Variants in MET observed in about 807,000 individuals in gnomAD.
MET encodes MET proto-oncogene, receptor tyrosine kinase.
In MET, 48 loss-of-function variants were observed where a neutral mutation model predicts 133.1. That is an observed-to-expected ratio of 0.36 (90% CI 0.29 to 0.46). MET has a LOEUF of 0.46. Ranked by LOEUF, MET falls within the 20% of genes least tolerant of loss-of-function variation. The pLI, the probability that MET is intolerant of heterozygous loss-of-function variation, is 1.00. For missense variants in MET, 1,442 were observed against 1,695.9 expected (o/e 0.85, Z 2.63); for synonymous variants, 628 against 616.5 (o/e 1.02, Z -0.28).
chr7:116,677,492 G>T (rs994130367), intron 1 of MET, among the ~76,000 whole-genome samples: 1 of 152,224 alleles, frequency 6.6e-6, no homozygotes, highest in Non-Finnish European at 1.5e-5. Context: ...TCAGTGTATG[G>T]CATGGGCCCA....
At chr7:116,716,094 A>G (rs1792180897) in intron 2 of MET, among the ~76,000 whole-genome samples, 4 of 152,042 alleles carry the variant, frequency 2.6e-5, no homozygotes, top group Admixed American at 2.6e-4. Flanking sequence ...CTACAAAGAA[A>G]TACAAAAATT....
chr7:116,783,870 G>T (rs1402662402), intron 19 of MET, among the ~76,000 whole-genome samples: 1 of 152,212 alleles, frequency 6.6e-6, no homozygotes, highest in Non-Finnish European at 1.5e-5. Flanking sequence ...TGTAACTGAG[G>T]CAGTCTAGCA....
rs562396709 is a variant in MET at position 116,797,769 on chromosome 7, A to AATG, written c.*1646_*1648dup. 56 of 227,438 alleles carry AATG rather than the reference A, an allele frequency of 2.5e-4. No homozygotes were observed. The highest frequency in any genetic ancestry group is 1.1e-3 in the African/African-American group (51 of 45,134). The allele number at this position is 227,438 out of a possible 1,614,324, so 14.1% of individuals were successfully genotyped here. A position where few individuals can be genotyped will look rare whatever the true frequency, so the allele number is the denominator to read the frequency against. ...CAATGACTGTAAATTGCGATAAGGA[A>AATG]ATGTACTGATTGCCAATACACCCCA... On this transcript the variant is annotated 3_prime_UTR_variant, in exon 21 of 21. Coordinates refer to ENST00000397752, the MANE Select transcript of MET (RefSeq NM_000245.4).
chr7:116,681,906 T>G (rs1320271311), intron 1 of MET, among the ~76,000 whole-genome samples: 1 of 151,868 alleles, frequency 6.6e-6, no homozygotes, highest in African/African-American at 2.4e-5. Flanking sequence ...ATTTGTATTA[T>G]GTAAAGAAGT....
intron 2 of MET, among the ~76,000 whole-genome samples, chr7:116,728,692 A>C (rs1248815067): frequency 2.0e-5 from 3 of 152,228 alleles, no homozygotes; most frequent in South Asian, 4.1e-4. Flanking sequence ...GCAGGCTGTC[A>C]TTAAATGCCT....
chr7:116,739,873 A>G (rs1283721322), intron 3 of MET, 77 bp from the exon 4 acceptor site: 1 of 1,599,604 alleles, frequency 6.3e-7, no homozygotes, highest in African/African-American at 1.3e-5. Flanking sequence ...TGTTATTACC[A>G]TTATCATCTA....
At chr7:116,750,942 G>T (rs1241326221) in intron 5 of MET, among the ~76,000 whole-genome samples, 1 of 152,212 alleles carries the variant, frequency 6.6e-6, no homozygotes, top group African/African-American at 2.4e-5. Context: ...AGAGGATGTG[G>T]AGAAATAGGG....
intron 11 of MET, among the ~76,000 whole-genome samples, chr7:116,763,852 A>C (rs1794506066): frequency 6.6e-6 from 1 of 152,234 alleles, no homozygotes; most frequent in Admixed American, 6.5e-5. Context: ...GTGATTGACA[A>C]GTGACAAAAT....
At position 116,797,425 on chromosome 7, in the gene MET, A is replaced by G. The variant is rs1193828928; in HGVS notation, c.*1301A>G. ...TTTATTTTGCATTAGGGTGTGTTTTATGTTAAGCAAAACATACTTTAGAAA... is the reference window on the plus strand; with the variant it reads ...TTTATTTTGCATTAGGGTGTGTTTTGTGTTAAGCAAAACATACTTTAGAAA... On this transcript the variant is annotated 3_prime_UTR_variant, in exon 21 of 21. Transcript: ENST00000397752. The G allele has an allele frequency of 1.3e-5, 3 of 227,660 alleles. No individual in the cohort carries two copies. Among genetic ancestry groups the G allele is most frequent in the South Asian group, 1.8e-4 (1 of 5,454 alleles). The allele number at this position is 227,660 out of a possible 1,614,324, so 14.1% of individuals were successfully genotyped here.
At position 116,797,942 on chromosome 7, in the gene MET, A is replaced by T. The variant is rs1209586598; in HGVS notation, c.*1818A>T. 1.4e-5 allele frequency: 3 copies of T among 221,202 alleles called. No individual in the cohort carries two copies. The highest frequency in any genetic ancestry group is 2.7e-5 in the Non-Finnish European group (3 of 110,372). The allele number at this position is 221,202 out of a possible 1,614,324, so 13.7% of individuals were successfully genotyped here. ...AAGCTCTCTGATAGTGCAGAGACTT[A>T]CCAGAAGACACAAGGAATTGTACTG... On this transcript the variant is annotated 3_prime_UTR_variant, in exon 21 of 21. Transcript: ENST00000397752.
In MET at chr7:116,772,511, A is replaced by G. The variant is rs181109101; in HGVS notation, c.3028+522A>G. ...GGAAAACCTTCAATTATGCCATGAA[A>G]AAAAGGAGGGGTCAATATCATCAGC... is the stretch of plus-strand genomic sequence containing the variant. On this transcript the variant is annotated intron_variant, in intron 14 of 20. Transcript: ENST00000397752. Among the ~76,000 whole-genome samples the G allele has an allele frequency of 8.9e-4, 136 of 152,312 alleles. 1 individual carries two copies. The highest frequency in any genetic ancestry group is 2.9e-3 in the African/African-American group (119 of 41,558).
chr7:116,742,042 T>A (rs1793477953), intron 5 of MET, among the ~76,000 whole-genome samples: 1 of 152,254 alleles, frequency 6.6e-6, no homozygotes, highest in Non-Finnish European at 1.5e-5. Context: ...ACCCAGTGTG[T>A]ATTTTTCTCT....
At chr7:116,772,314 A>G (rs1584955693) in intron 14 of MET, among the ~76,000 whole-genome samples, 2 of 152,348 alleles carry the variant, frequency 1.3e-5, no homozygotes, top group Non-Finnish European at 2.9e-5. Context: ...GTTAAGTTAC[A>G]AAATATACTT....
intron 2 of MET, among the ~76,000 whole-genome samples, chr7:116,701,885 C>T (rs1791592999): frequency 6.6e-6 from 1 of 151,638 alleles, no homozygotes; most frequent in African/African-American, 2.4e-5. Flanking sequence ...GCTCCTAGAG[C>T]ACATGGATTT....
Position 116,739,943 on chromosome 7 carries a change from T to C in MET, c.1393-7T>C, listed in dbSNP as rs2116825397. Reference sequence around the variant, plus strand: ...AATAAGGATGTTATAACTTTTTTGCTGTTTAGGTTGTGGTTTCTCGATCAG... The same window carrying C: ...AATAAGGATGTTATAACTTTTTTGCCGTTTAGGTTGTGGTTTCTCGATCAG... On this transcript the variant is annotated splice_polypyrimidine_tract_variant and splice_region_variant and intron_variant, in intron 3 of 20. Transcript: ENST00000397752. The C allele has an allele frequency of 6.2e-7, 1 of 1,614,082 alleles. No individual in the cohort carries two copies. The highest frequency in any genetic ancestry group is 1.1e-5 in the South Asian group (1 of 91,084).
At chr7:116,724,496 A>T (rs1375898640) in intron 2 of MET, among the ~76,000 whole-genome samples, 2 of 152,140 alleles carry the variant, frequency 1.3e-5, no homozygotes, top group African/African-American at 2.4e-5. Context: ...CTCCGTGGAT[A>T]AGCCTTAAAA....
intron 3 of MET, among the ~76,000 whole-genome samples, chr7:116,736,861 T>A (rs150675651): frequency 6.6e-6 from 1 of 152,344 alleles, no homozygotes; most frequent in East Asian, 1.9e-4. Flanking sequence ...TTATTTATCA[T>A]AAGAATTACA....
chr7:116,678,592 A>G (rs1041599369), intron 1 of MET, among the ~76,000 whole-genome samples: 12 of 152,338 alleles, frequency 7.9e-5, no homozygotes, highest in Non-Finnish European at 1.6e-4. Context: ...GAGAAGTGGT[A>G]AATTTATTAG....
At chr7:116,755,098 C>T (rs1174164548) in intron 5 of MET, among the ~76,000 whole-genome samples, 1 of 152,108 alleles carries the variant, frequency 6.6e-6, no homozygotes, top group African/African-American at 2.4e-5. Flanking sequence ...CAAGCTGCAT[C>T]TGCTCTTTGT....
Sources: allele counts gnomAD v4.1 joint callset (sites outside exome capture counted in the v4.1 genomes callset), GRCh38; gene constraint gnomAD v4.1.1; transcripts MANE v1.5; gene names NCBI Gene and HGNC (gene_info 2026-07-23, HGNC 2026-07-21).